Variants in PRKAG2 observed in about 807,000 individuals in gnomAD.
PRKAG2 encodes the protein protein kinase AMP-activated non-catalytic subunit gamma 2, also known as 5'-AMP-activated protein kinase subunit gamma-2.
Under a neutral mutation model 69.6 loss-of-function variants are expected in PRKAG2, and 26 were observed. The observed-to-expected ratio is 0.37, with a 90% CI of 0.27 to 0.52. The LOEUF (loss-of-function observed/expected upper bound fraction) is 0.52. Ranked by LOEUF, PRKAG2 falls within the 20% of genes least tolerant of loss-of-function variation. The pLI, the probability that PRKAG2 is intolerant of heterozygous loss-of-function variation, is 0.90. For missense variants in PRKAG2, 557 were observed against 740.0 expected (o/e 0.75, Z 2.87); for synonymous variants, 293 against 285.0 (o/e 1.03, Z -0.28).
In PRKAG2 at chr7:151,756,898, G is replaced by C. The variant is rs1217569338; in HGVS notation, c.466+24254C>G. On this transcript the variant is annotated intron_variant, in intron 3 of 15. Transcript: ENST00000287878. The surrounding 1 kb of genome is among the most constrained non-coding windows in gnomAD (Gnocchi z 4.9). ...CCCTCTTCCAGGTAGGACCCGGGCT[G>C]ACAGCTGAGCTAGGGCCATCTGCAG... 6.6e-6 allele frequency among the ~76,000 whole-genome samples: 1 copy of C among 152,170 alleles called. No individual in the cohort carries two copies. Among genetic ancestry groups the C allele is most frequent in the Non-Finnish European group, 1.5e-5 (1 of 68,022 alleles).
rs535711417 is a variant in PRKAG2, at chr7:151,802,577, G to A, written c.115-16036C>T. On this transcript the variant is annotated intron_variant, in intron 1 of 15. Coordinates refer to ENST00000287878, the MANE Select transcript of PRKAG2 (RefSeq NM_016203.4). ...TTAGTCTGCACTGCCCTATTTTCAT[G>A]GCTTAAAGGGCAGAATCAAAAGATC... is the stretch of plus-strand genomic sequence containing the variant. 1.8e-4 allele frequency among the ~76,000 whole-genome samples: 28 copies of A among 152,316 alleles called. No homozygotes were observed. In the East Asian group the frequency reaches 5.4e-3, roughly 29 times the overall value.
At chr7:151,625,729 C>T (rs1447079281) in intron 5 of PRKAG2, among the ~76,000 whole-genome samples, 1 of 151,928 alleles carries the variant, frequency 6.6e-6, no homozygotes, top group African/African-American at 2.4e-5. Context: ...AGGATGCGGG[C>T]ATTTATGGAA....
intron 5 of PRKAG2, among the ~76,000 whole-genome samples, chr7:151,604,033 T>C (rs56756398): frequency 0.045 from 6,831 of 152,176 alleles, 500 homozygotes; most frequent in African/African-American, 0.16. Flanking sequence ...GATGGACTGG[T>C]GGGTGGCTTG....
chr7:151,782,380 A>AGGGAGGGAGGGAGG (rs1563663670), intron 2 of PRKAG2, among the ~76,000 whole-genome samples: 1 of 61,730 alleles, frequency 1.6e-5, no homozygotes, highest in Non-Finnish European at 3.2e-5. Context: ...AGGGAAGGAA[A>AGGGAGGGAGGGAGG]GAAGGAAGGA....
Position 151,856,531 on chromosome 7 carries a change from G to A in PRKAG2, c.114+19976C>T, listed in dbSNP as rs192190083. On this transcript the variant is annotated intron_variant, in intron 1 of 15. Transcript: ENST00000287878. ...AGCCACACCGGGTTCAATTGGCCTCGCCGTGGCCCTTAGGCAAACAACTCA... is the reference window on the plus strand; with the variant it reads ...AGCCACACCGGGTTCAATTGGCCTCACCGTGGCCCTTAGGCAAACAACTCA... Among the ~76,000 whole-genome samples, 130 of 152,334 alleles carry A rather than the reference G, an allele frequency of 8.5e-4. 1 individual carries two copies. The highest frequency in any genetic ancestry group is 1.2e-4 in the African/African-American group (5 of 41,588).
rs547349263 is a variant in PRKAG2, at chr7:151,598,236, T to C, written c.755-2782A>G. On this transcript the variant is annotated intron_variant, in intron 5 of 15. Transcript: ENST00000287878. The stretch of plus-strand genomic sequence containing the variant: ...AGACAAATACCATCCCATTCATCTG[T>C]GGAATCTAAACAAGCTGATCTCACA... 2.6e-5 allele frequency among the ~76,000 whole-genome samples: 4 copies of C among 152,152 alleles called. No individual in the cohort carries two copies. In the East Asian group the frequency reaches 7.7e-4, roughly 29 times the overall value.
chr7:151,842,711 TGGTA>T (rs2079339027), intron 1 of PRKAG2, among the ~76,000 whole-genome samples: 5 of 150,888 alleles, frequency 3.3e-5, no homozygotes, highest in Admixed American at 2.6e-4. Flanking sequence ...ATGGTAGCGA[TGGTA>T]GGTAGTGATG....
chr7:151,627,777 C>T (rs1453977907), intron 5 of PRKAG2, among the ~76,000 whole-genome samples: 2 of 152,138 alleles, frequency 1.3e-5, no homozygotes, highest in Non-Finnish European at 2.9e-5. Flanking sequence ...ATCCTCCCAC[C>T]TCAGCCTCCC....
chr7:151,852,655 C>T (rs570357209), intron 1 of PRKAG2, among the ~76,000 whole-genome samples: 9 of 152,136 alleles, frequency 5.9e-5, no homozygotes, highest in Middle Eastern at 3.4e-3. Flanking sequence ...TATGAAGAAC[C>T]GCCCCAGGAC....
At chr7:151,740,657 A>T (rs966780491) in intron 3 of PRKAG2, among the ~76,000 whole-genome samples, 2 of 152,252 alleles carry the variant, frequency 1.3e-5, no homozygotes, top group African/African-American at 4.8e-5. Context: ...AGACAAAGAT[A>T]AACAATGCTA....
chr7:151,672,165 C>CA lies in PRKAG2; in HGVS notation c.684+3254dup, dbSNP rs572156929. 4.8e-3 allele frequency among the ~76,000 whole-genome samples: 734 copies of CA among 151,476 alleles called. 3 individuals carry two copies. The highest frequency in any genetic ancestry group is 0.017 in the African/African-American group (702 of 41,242). On this transcript the variant is annotated intron_variant, in intron 4 of 15. Transcript: ENST00000287878. ...CGCCCAGGCTGGAGTGCAGTGGCGCCATCTCGGCTCACTGCAAGCTCTGCC... is the reference window on the plus strand; with the variant it reads ...CGCCCAGGCTGGAGTGCAGTGGCGCCAATCTCGGCTCACTGCAAGCTCTGCC...
intron 6 of PRKAG2, among the ~76,000 whole-genome samples, chr7:151,590,951 C>T (rs987077493): frequency 1.8e-4 from 27 of 152,178 alleles, no homozygotes; most frequent in African/African-American, 4.6e-4. Context: ...CTGCTGAGTC[C>T]GTGTTTAATG....
Position 151,835,242 on chromosome 7 carries a change from G to A in PRKAG2, c.114+41265C>T, listed in dbSNP as rs1010218905. 6.6e-6 allele frequency among the ~76,000 whole-genome samples: 1 copy of A among 152,070 alleles called. No individual in the cohort carries two copies. Among genetic ancestry groups the A allele is most frequent in the Non-Finnish European group, 1.5e-5 (1 of 68,032 alleles). On this transcript the variant is annotated intron_variant, in intron 1 of 15. Coordinates refer to ENST00000287878, the MANE Select transcript of PRKAG2 (RefSeq NM_016203.4). This position sits in a 1 kb window ranked among gnomAD's most constrained non-coding sequence, Gnocchi z 4.1. ...TATGTTCATTTGTTTTTAGGGTCAGGGTCTTGCTGTTTTCCAGGCTGGAGT... is the reference window on the plus strand; with the variant it reads ...TATGTTCATTTGTTTTTAGGGTCAGAGTCTTGCTGTTTTCCAGGCTGGAGT...
intron 14 of PRKAG2, among the ~76,000 whole-genome samples, chr7:151,562,980 T>C (rs1319276071): frequency 6.6e-6 from 1 of 150,624 alleles, no homozygotes; most frequent in African/African-American, 2.4e-5. Flanking sequence ...AAATAGTGGA[T>C]ATTAAACAGA....
At chr7:151,586,373 A>C (rs1811678477) in intron 6 of PRKAG2, among the ~76,000 whole-genome samples, 1 of 152,136 alleles carries the variant, frequency 6.6e-6, no homozygotes, top group Non-Finnish European at 1.5e-5. Flanking sequence ...CCATTCATTC[A>C]TAAATCTCAG....
chr7:151,676,261 CGGGAG>C (rs1056631435), intron 3 of PRKAG2, among the ~76,000 whole-genome samples: 10 of 2,412 alleles, frequency 4.1e-3, no homozygotes, highest in Non-Finnish European at 6.6e-3. Flanking sequence ...GGGGAGGGGA[CGGGAG>C]GGGAGGGGAG....
At chr7:151,589,409 C>G (rs976896330) in intron 6 of PRKAG2, among the ~76,000 whole-genome samples, 1 of 152,154 alleles carries the variant, frequency 6.6e-6, no homozygotes, top group Non-Finnish European at 1.5e-5. Context: ...CTCATCCCCC[C>G]GTTTTGGATT....
chr7:151,615,884 C>A (rs1820011987), intron 5 of PRKAG2, among the ~76,000 whole-genome samples: 1 of 152,180 alleles, frequency 6.6e-6, no homozygotes, highest in Non-Finnish European at 1.5e-5. Flanking sequence ...GTTGCTGCAC[C>A]TTCAACACCA....
At chr7:151,616,287 TGCACATATGCACACAG>T (rs1820125112) in intron 5 of PRKAG2, among the ~76,000 whole-genome samples, 1 of 152,136 alleles carries the variant, frequency 6.6e-6, no homozygotes, top group Non-Finnish European at 1.5e-5. Flanking sequence ...CATGCACACA[TGCACATATGCACACAG>T]GCACACACAC....
Sources: gnomAD v4.1 joint callset for allele counts (sites outside exome capture counted in the v4.1 genomes callset) on GRCh38, gnomAD v4.1.1 for gene constraint, Gnocchi (gnomAD v3.1) non-coding constraint, MANE v1.5 for transcripts, NCBI Gene and HGNC (gene_info 2026-07-23, HGNC 2026-07-21) for gene names.